The following ACOX1 variants were observed in gnomAD, a reference collection of about 807,000 sequenced individuals.
The protein encoded by ACOX1 is acyl-CoA oxidase 1.
Under a neutral mutation model 75.5 loss-of-function variants are expected in ACOX1, and 41 were observed. That is an observed-to-expected ratio of 0.54 (90% CI 0.42 to 0.70). The LOEUF is 0.70. Ranked by LOEUF, ACOX1 falls within the 30% of genes least tolerant of loss-of-function variation. The probability of loss-of-function intolerance (pLI) is 0.00; values close to 1 mark genes in which losing one functional copy is unlikely to be tolerated. For missense variants in ACOX1, 630 were observed against 837.5 expected, an observed-to-expected ratio of 0.75 and a Z score of 3.06; for synonymous variants, 303 against 298.8, an observed-to-expected ratio of 1.01 and a Z score of -0.15.
intron 2 of ACOX1, among the ~76,000 whole-genome samples, chr17:75,971,741 CAA>C (rs11324447): frequency 9.3e-4 from 108 of 116,038 alleles, no homozygotes; most frequent in Middle Eastern, 4.7e-3. Context: ...GACTCTGACT[CAA>C]AAAAAAAAAA....
Position 75,979,156 on chromosome 17 carries a change from C to G in ACOX1, c.-83G>C. ...ATCCGCAGCTCCAGCGCCGGCCGGACCCTAGGAGGCAGCCTCAGGACGGCG... is the reference window on the plus strand; with the variant it reads ...ATCCGCAGCTCCAGCGCCGGCCGGAGCCTAGGAGGCAGCCTCAGGACGGCG... On this transcript the variant is annotated 5_prime_UTR_variant, in exon 1 of 14. Coordinates refer to ENST00000293217, the MANE Select transcript of ACOX1 (RefSeq NM_004035.7). 1 of 1,549,842 alleles carries G rather than the reference C, an allele frequency of 6.5e-7. No individual in the cohort carries two copies. Among genetic ancestry groups the G allele is most frequent in the Non-Finnish European group, 8.7e-7 (1 of 1,149,188 alleles).
chr17:75,953,133 A>G (rs2065789656), intron 7 of ACOX1: 3 of 307,080 alleles, frequency 9.8e-6, no homozygotes, highest in Admixed American at 4.3e-5. Flanking sequence ...GAACTTTCAA[A>G]CTGCCTTTAG....
intron 9 of ACOX1, 40 bp from the exon 10 acceptor site, chr17:75,949,937 T>G: frequency 6.2e-7 from 1 of 1,606,896 alleles, no homozygotes; most frequent in Non-Finnish European, 8.5e-7. Context: ...TAACTCTACT[T>G]TCTTTTGTTT....
At chr17:75,959,040 T>C (rs1305525191) in intron 3 of ACOX1, among the ~76,000 whole-genome samples, 3 of 152,112 alleles carry the variant, frequency 2.0e-5, no homozygotes, top group African/African-American at 7.2e-5. Flanking sequence ...TTAACACAAA[T>C]ATATCAAAAT....
rs142476084 is a variant in ACOX1, at chr17:75,978,437, A to G, written c.269+97T>C. The stretch of plus-strand genomic sequence containing the variant: ...GTTGCATGAAAATATGCCAGTTTGC[A>G]TCTTCAAACACCAAGCACGGTGATG... On this transcript the variant is annotated intron_variant, in intron 2 of 13. Coordinates refer to ENST00000293217, the MANE Select transcript of ACOX1 (RefSeq NM_004035.7). This position sits in a 1 kb window ranked among gnomAD's most constrained non-coding sequence, Gnocchi z 4.2. 1.2e-5 allele frequency: 18 copies of G among 1,506,698 alleles called. No individual in the cohort carries two copies. Among genetic ancestry groups the G allele is most frequent in the Non-Finnish European group, 1.6e-5 (17 of 1,085,272 alleles). 93.3% of individuals were successfully genotyped at this position (1,506,698 alleles called of 1,614,324 possible).
intron 8 of ACOX1, 93 bp from the exon 9 acceptor site, chr17:75,951,057 C>T: frequency 1.5e-6 from 2 of 1,345,174 alleles, no homozygotes; most frequent in Non-Finnish European, 1.0e-6. Context: ...ACATCTTGGC[C>T]ACTGTCAAAA....
rs2065711795 is a variant in ACOX1 at position 75,945,521 on chromosome 17, G to A, written c.*1227C>T. The stretch of plus-strand genomic sequence containing the variant: ...TCTCAGGACTGATTCTAGAACAGCT[G>A]GTTTCATGAGGCATATGGCGTAGAT... On this transcript the variant is annotated 3_prime_UTR_variant, in exon 14 of 14. Coordinates refer to ENST00000293217, the MANE Select transcript of ACOX1 (RefSeq NM_004035.7). 6.5e-6 allele frequency: 1 copy of A among 152,838 alleles called. No homozygotes were observed. Among genetic ancestry groups the A allele is most frequent in the Non-Finnish European group, 1.5e-5 (1 of 67,986 alleles). 9.5% of individuals were successfully genotyped at this position (152,838 alleles called of 1,614,324 possible). A position where few individuals can be genotyped will look rare whatever the true frequency, so the allele number is the denominator to read the frequency against.
At chr17:75,948,043 C>T (rs540780115) in intron 13 of ACOX1, among the ~76,000 whole-genome samples, 1 of 152,124 alleles carries the variant, frequency 6.6e-6, no homozygotes, top group African/African-American at 2.4e-5. Flanking sequence ...ATGTTCAATT[C>T]GTTATCAAAA....
rs200755330 is a variant in ACOX1 at position 75,955,569 on chromosome 17, G to C, written c.771C>G (p.Ala257=). 10 of 1,612,000 alleles carry C rather than the reference G, an allele frequency of 6.2e-6. No homozygotes were observed. The highest frequency in any genetic ancestry group is 7.6e-6 in the Non-Finnish European group (9 of 1,178,314). The change falls in exon 6 of 14, where the codon GCC becomes GCG. Residue 257 remains alanine, a synonymous_variant. Coordinates refer to ENST00000293217, the MANE Select transcript of ACOX1 (RefSeq NM_004035.7). ...TTTATTTTCTATCAAAACATACCTG[G>C]GCATACTTCATCAGCATGTTTTCTC... The part of the protein sequence containing the change: ...IPRENMLMKY[A]QVKPDGTYVK...
intron 7 of ACOX1, among the ~76,000 whole-genome samples, chr17:75,951,808 C>CTTTT (rs1029666749): frequency 4.4e-3 from 341 of 77,472 alleles, no homozygotes; most frequent in African/African-American, 7.2e-3. Context: ...TAAATTGAGG[C>CTTTT]TTTTTTTTTT....
At chr17:75,952,966 C>T (rs1284296108) in intron 7 of ACOX1, among the ~76,000 whole-genome samples, 1 of 152,146 alleles carries the variant, frequency 6.6e-6, no homozygotes, top group Admixed American at 6.6e-5. Context: ...TCAGCTACCA[C>T]ACCTGGCCAG....
At chr17:75,958,170 T>A (rs371711201) in intron 3 of ACOX1, among the ~76,000 whole-genome samples, 1 of 146,534 alleles carries the variant, frequency 6.8e-6, no homozygotes, top group African/African-American at 2.5e-5. Flanking sequence ...CTGGCTAACA[T>A]GGTGAAACCC....
In ACOX1 at chr17:75,949,289, T is replaced by A. The variant is rs752605927; in HGVS notation, c.1656A>T (p.Gln552His). ...GCAGACATAAACTCCTTAAGACAGC[T>A]TGAATGGCTTTATCTTGAATTTTGA... is the stretch of plus-strand genomic sequence containing the variant. Reference protein sequence around the residue: ...KLLKIQDKAIQAVLRSLCLLY... With the variant: ...KLLKIQDKAIHAVLRSLCLLY... Residue 552 changes from glutamine (Q) to histidine (H), a missense_variant, in exon 12 of 14, where the codon CAA (glutamine) becomes CAT (histidine). Around this residue, in one of 2 missense-constraint regions of ACOX1, gnomAD observed 240 missense variants for 262.7 expected, o/e 0.91. Transcript: ENST00000293217. 3 of 1,614,182 alleles carry A rather than the reference T, an allele frequency of 1.9e-6. No homozygotes were observed. Among genetic ancestry groups the A allele is most frequent in the Non-Finnish European group, 2.5e-6 (3 of 1,179,984 alleles).
At chr17:75,963,478 G>A (rs2144281013) in intron 2 of ACOX1, among the ~76,000 whole-genome samples, 1 of 152,122 alleles carries the variant, frequency 6.6e-6, no homozygotes, top group Non-Finnish European at 1.5e-5. Flanking sequence ...AAGGTGGGCG[G>A]ATCATGAGAT....
Position 75,948,393 on chromosome 17 carries a change from AG to A in ACOX1, c.1792del (p.Leu598Ter). On this transcript the variant is annotated frameshift_variant, in exon 13 of 14. Transcript: ENST00000293217. LOFTEE classifies it high-confidence loss of function. ...CAAAGCAACAGCATCTGAGCGAATC[AG>A]AGTGAGTAACTCCTTTACACGCTGG... ...VNQRVKELLT[L>X]IRSDAVALVD... 1 of 1,614,218 alleles carries A rather than the reference AG, an allele frequency of 6.2e-7. No homozygotes were observed. Among genetic ancestry groups the A allele is most frequent in the South Asian group, 1.1e-5 (1 of 91,086 alleles).
At chr17:75,973,366 C>A in intron 2 of ACOX1, 1 of 513,626 alleles carries the variant, frequency 1.9e-6, no homozygotes, top group Non-Finnish European at 3.5e-6. Flanking sequence ...GGGTTCCCCG[C>A]TGCACTGTAA....
intron 13 of ACOX1, among the ~76,000 whole-genome samples, chr17:75,947,248 GTTT>G (rs55857840): frequency 1.5e-5 from 2 of 137,566 alleles, no homozygotes; most frequent in Admixed American, 7.4e-5. Context: ...TGATGTCTTA[GTTT>G]TTTTTTTTTT....
At position 75,946,858 on chromosome 17, in the gene ACOX1, T is replaced by G. The variant is rs529277199; in HGVS notation, c.1936-63A>C. The G allele has an allele frequency of 1.4e-5, 22 of 1,521,876 alleles. No individual in the cohort carries two copies. The Admixed American group carries it at 1.7e-4, about 12-fold the overall frequency. 94.3% of individuals were successfully genotyped at this position (1,521,876 alleles called of 1,614,324 possible). A position where few individuals can be genotyped will look rare whatever the true frequency, so the allele number is the denominator to read the frequency against. On this transcript the variant is annotated intron_variant, in intron 13 of 13. Coordinates refer to ENST00000293217, the MANE Select transcript of ACOX1 (RefSeq NM_004035.7). ...GTTTGCCATGTTAAATAGTATACTG[T>G]TTTTTGTTTTTGTTTTTGTTTTTTT...
chr17:75,963,791 A>T (rs534550320), intron 2 of ACOX1, among the ~76,000 whole-genome samples: 1 of 152,112 alleles, frequency 6.6e-6, no homozygotes, highest in South Asian at 2.1e-4. Flanking sequence ...TGGAAATCCC[A>T]CAAGGTGTCA....
Sources: gnomAD v4.1 joint callset for allele counts (sites outside exome capture counted in the v4.1 genomes callset) on GRCh38, gnomAD v4.1.1 for gene constraint, gnomAD v4.1.1 regional missense constraint, Gnocchi (gnomAD v3.1) non-coding constraint, MANE v1.5 for transcripts, NCBI Gene and HGNC (gene_info 2026-07-23, HGNC 2026-07-21) for gene names.